Variants in SYNE1 observed in about 807,000 individuals in gnomAD.
The protein encoded by SYNE1 is nesprin-1.
SYNE1 carries 616 observed loss-of-function variants against 1,111.0 expected under a neutral mutation model. The ratio of observed to expected loss-of-function variants is 0.55; its 90% CI spans 0.52 to 0.59. The LOEUF (loss-of-function observed/expected upper bound fraction) is 0.59. Among genes scored for constraint, SYNE1 ranks in the 20% least tolerant of loss-of-function variants. SYNE1 has a pLI of 0.00. For synonymous variants in SYNE1, 3,855 were observed against 3,825.8 expected (o/e 1.01, Z -0.28); for missense variants, 10,006 against 10,417.0 (o/e 0.96, Z 1.72).
At chr6:152,403,860 T>C (rs1332870348) in intron 46 of SYNE1, among the ~76,000 whole-genome samples, 5 of 152,130 alleles carry the variant, frequency 3.3e-5, no homozygotes, top group Non-Finnish European at 7.4e-5. Flanking sequence ...ACTACCCTTA[T>C]TATAATATTC....
intron 3 of SYNE1, among the ~76,000 whole-genome samples, chr6:152,610,110 C>T (rs1269911799): frequency 1.3e-5 from 2 of 152,180 alleles, no homozygotes; most frequent in East Asian, 1.9e-4. Context: ...CACAGCTCCT[C>T]GCCAGCAATG....
chr6:152,497,453 G>C (rs1455607484), intron 11 of SYNE1, among the ~76,000 whole-genome samples: 3 of 152,144 alleles, frequency 2.0e-5, no homozygotes, highest in African/African-American at 7.2e-5. Context: ...ACTTGTTCTT[G>C]ATGTGTACCC....
At chr6:152,386,301 A>G (rs2097525924) in intron 54 of SYNE1, among the ~76,000 whole-genome samples, 1 of 152,176 alleles carries the variant, frequency 6.6e-6, no homozygotes, top group African/African-American at 2.4e-5. Flanking sequence ...AGGTTAGGTA[A>G]TGGGTAATTG....
intron 51 of SYNE1, among the ~76,000 whole-genome samples, chr6:152,395,072 C>T (rs892362052): frequency 3.3e-5 from 5 of 151,582 alleles, no homozygotes; most frequent in East Asian, 2.0e-4. Context: ...CGTGAGCCAC[C>T]GCACCTGGCA....
At chr6:152,436,328 G>T (rs979111404) in intron 32 of SYNE1, among the ~76,000 whole-genome samples, 3 of 151,880 alleles carry the variant, frequency 2.0e-5, no homozygotes, top group Non-Finnish European at 4.4e-5. Context: ...TTGAGATAGG[G>T]TCTTGCTCTT....
At position 152,249,281 on chromosome 6, in the gene SYNE1, G is replaced by A. The variant is rs762155867; in HGVS notation, c.19471-19C>T. The A allele has an allele frequency of 3.6e-6, 5 of 1,396,926 alleles. No individual in the cohort carries two copies. The Admixed American group carries it at 8.4e-5, about 23-fold the overall frequency. 86.5% of individuals were successfully genotyped at this position (1,396,926 alleles called of 1,614,324 possible). On this transcript the variant is annotated intron_variant, in intron 104 of 145. Transcript: ENST00000367255. ...GATCATTCTAAGGAGGAAAGCAACG[G>A]GAAAACTCAAAATGTGTAACAGGGA...
intron 45 of SYNE1, 93 bp downstream of exon 45, chr6:152,406,921 G>T: frequency 1.1e-6 from 1 of 941,906 alleles, no homozygotes; most frequent in Non-Finnish European, 1.5e-6. Context: ...AAAGTTAAAA[G>T]AAGAATAAAC....
intron 3 of SYNE1, among the ~76,000 whole-genome samples, chr6:152,559,154 T>A (rs4512232): frequency 0.69 from 98,049 of 141,248 alleles, 35,605 homozygotes; most frequent in African/African-American, 0.87. Context: ...CTTGGGCTAG[T>A]GTGCAGTGGC....
intron 3 of SYNE1, among the ~76,000 whole-genome samples, chr6:152,573,296 AG>A (rs752388398): frequency 6.0e-5 from 9 of 150,822 alleles, no homozygotes; most frequent in South Asian, 4.2e-4. Flanking sequence ...CTCGTCATTT[AG>A]CATTAGGTAT....
At position 152,145,467 on chromosome 6, in the gene SYNE1, C is replaced by T. The variant is rs767684285; in HGVS notation, c.24977-1702G>A. On this transcript the variant is annotated intron_variant, in intron 137 of 145. Transcript: ENST00000367255. Reference sequence around the variant, plus strand: ...TATACAGGGGAGGGAGGGAGGCTGGCTCCGGCTTGTTGTGCCTACCGGAGG... The same window carrying T: ...TATACAGGGGAGGGAGGGAGGCTGGTTCCGGCTTGTTGTGCCTACCGGAGG... The T allele has an allele frequency of 1.8e-4, 294 of 1,612,826 alleles. No homozygotes were observed. Among genetic ancestry groups the T allele is most frequent in the South Asian group, 5.7e-4 (52 of 91,012 alleles).
chr6:152,144,481 A>T (rs2747661), intron 137 of SYNE1: 6,603 of 112,234 alleles, frequency 0.059, 161 homozygotes, highest in Middle Eastern at 0.11. Context: ...AATTACTGAG[A>T]GTGTGTGTGT....
chr6:152,132,309 C>T, intron 143 of SYNE1, 95 bp from the exon 144 acceptor site: 12 of 1,022,642 alleles, frequency 1.2e-5, no homozygotes, highest in Non-Finnish European at 1.9e-5. Flanking sequence ...TCTCCATCCA[C>T]CCCCATGTCT....
intron 56 of SYNE1, among the ~76,000 whole-genome samples, chr6:152,377,840 G>A (rs1406627382): frequency 1.3e-5 from 2 of 151,564 alleles, no homozygotes; most frequent in African/African-American, 4.9e-5. Flanking sequence ...CGTGTGCCAA[G>A]CATTTTGCTG....
intron 85 of SYNE1, 61 bp from the exon 86 acceptor site, chr6:152,318,324 C>T: frequency 6.3e-7 from 1 of 1,585,772 alleles, no homozygotes; most frequent in Non-Finnish European, 8.6e-7. Context: ...TCCAGGTTTC[C>T]CGAGATCAGA....
At chr6:152,490,630 G>A (rs1470181444) in intron 11 of SYNE1, among the ~76,000 whole-genome samples, 1 of 151,736 alleles carries the variant, frequency 6.6e-6, no homozygotes, top group Non-Finnish European at 1.5e-5. Context: ...CTATAAAACT[G>A]CCCCACCCCT....
intron 100 of SYNE1, among the ~76,000 whole-genome samples, chr6:152,266,292 A>C (rs2092689983): frequency 1.3e-5 from 2 of 152,214 alleles, no homozygotes; most frequent in African/African-American, 4.8e-5. Flanking sequence ...AAAGTTGCAG[A>C]AGATCCCTTC....
chr6:152,174,831 G>A (rs117548019), intron 130 of SYNE1, among the ~76,000 whole-genome samples: 48 of 152,314 alleles, frequency 3.2e-4, no homozygotes, highest in South Asian at 8.3e-4. Flanking sequence ...TATGAAACCC[G>A]TAGCATGGTC....
intron 107 of SYNE1, among the ~76,000 whole-genome samples, chr6:152,240,758 G>C (rs1562434696): frequency 6.6e-6 from 1 of 152,156 alleles, no homozygotes; most frequent in African/African-American, 2.4e-5. Flanking sequence ...AGAACACTGA[G>C]TCCCCCCAGT....
chr6:152,408,063 A>G (rs2097930816), intron 44 of SYNE1, among the ~76,000 whole-genome samples: 1 of 151,964 alleles, frequency 6.6e-6, no homozygotes, highest in African/African-American at 2.4e-5. Flanking sequence ...ACGCCCAGCC[A>G]AAGAATGTTC....
Sources: allele counts gnomAD v4.1 joint callset (sites outside exome capture counted in the v4.1 genomes callset), GRCh38; gene constraint gnomAD v4.1.1; transcripts MANE v1.5; gene names NCBI Gene and HGNC (gene_info 2026-07-23, HGNC 2026-07-21).